GNG7: variants seen among roughly 807,000 people sequenced by gnomAD.
The protein encoded by GNG7 is guanine nucleotide-binding protein G(I)/G(S)/G(O) subunit gamma-7.
In GNG7, 1 loss-of-function variant was observed where a neutral mutation model predicts 4.0. The ratio of observed to expected loss-of-function variants is 0.25; its 90% confidence interval spans 0.09 to 1.18. GNG7 has a LOEUF of 1.18. GNG7 is among the 50% of genes most tolerant of loss of function. GNG7 has a pLI of 0.50. For synonymous variants in GNG7, 34 were observed against 36.9 expected, an observed-to-expected ratio of 0.92 and a Z score of 0.29; for missense variants, 86 against 91.9, an observed-to-expected ratio of 0.94 and a Z score of 0.26.
At chr19:2,640,518 A>G (rs150801744) in intron 2 of GNG7, among the ~76,000 whole-genome samples, 127 of 152,286 alleles carry the variant, frequency 8.3e-4, no homozygotes, top group African/African-American at 3.1e-3. Flanking sequence ...GGTGAATGTA[A>G]TTCACGAAAA....
chr19:2,578,351 G>A (rs974663196), intron 2 of GNG7, among the ~76,000 whole-genome samples: 2 of 152,072 alleles, frequency 1.3e-5, no homozygotes, highest in African/African-American at 4.8e-5. Flanking sequence ...CTCCTGACTC[G>A]CCCTGTTCTC....
chr19:2,582,656 ATTTTTTTTTTTTTTTT>A (rs35625825), intron 2 of GNG7, among the ~76,000 whole-genome samples: 2 of 86,146 alleles, frequency 2.3e-5, no homozygotes, highest in African/African-American at 8.8e-5. Flanking sequence ...CTAATTGTTA[ATTTTTTTTTTTTTTTT>A]TTTTTTTTTT....
rs71337161 is a variant in GNG7, at chr19:2,633,470, GGCGCGCGCGCGC to G, written c.-78+12742_-78+12753del. 9.1e-5 allele frequency among the ~76,000 whole-genome samples: 12 copies of G among 132,366 alleles called. No homozygotes were observed. Among genetic ancestry groups the G allele is most frequent in the Non-Finnish European group, 1.4e-4 (9 of 64,392 alleles). The allele number at this position is 132,366 out of a possible 152,430, so 86.8% of individuals were successfully genotyped here. On this transcript the variant is annotated intron_variant, in intron 2 of 4. Coordinates refer to ENST00000382159, the MANE Select transcript of GNG7 (RefSeq NM_052847.3). This position sits in a 1 kb window ranked among gnomAD's most constrained non-coding sequence, Gnocchi z 5.9. ...CTGTTCAAGCGGTTGCTTAGCAACA[GGCGCGCGCGCGC>G]GCGCGCACACACACACACACACACA...
intron 2 of GNG7, among the ~76,000 whole-genome samples, chr19:2,594,004 C>A (rs1467287109): frequency 1.3e-5 from 2 of 148,974 alleles, no homozygotes; most frequent in Admixed American, 6.7e-5. Flanking sequence ...TACTTTAAAA[C>A]AAACATGAGG....
chr19:2,659,127 A>C (rs11670733), intron 1 of GNG7, among the ~76,000 whole-genome samples: 5 of 151,720 alleles, frequency 3.3e-5, no homozygotes, highest in African/African-American at 1.2e-4. Flanking sequence ...CCGCCACCAC[A>C]CCTGGCTAAT....
chr19:2,635,884 A>T (rs778290721), intron 2 of GNG7, among the ~76,000 whole-genome samples: 23 of 152,060 alleles, frequency 1.5e-4, no homozygotes, highest in Non-Finnish European at 8.8e-5. Flanking sequence ...TGCCTGGCCA[A>T]CTTGGGGTGA....
chr19:2,524,706 G>A (rs1235395949), intron 3 of GNG7, among the ~76,000 whole-genome samples: 5 of 152,180 alleles, frequency 3.3e-5, no homozygotes, highest in Non-Finnish European at 7.4e-5. Context: ...ACGTGCATGT[G>A]TGTGGACATG....
At chr19:2,686,800 G>A (rs1983884280) in intron 1 of GNG7, among the ~76,000 whole-genome samples, 1 of 150,290 alleles carries the variant, frequency 6.7e-6, no homozygotes, top group Admixed American at 6.6e-5. Flanking sequence ...CGCCCAGGGT[G>A]GAGTACAGTG....
At chr19:2,555,575 C>T (rs1979516240) in intron 2 of GNG7, among the ~76,000 whole-genome samples, 1 of 152,194 alleles carries the variant, frequency 6.6e-6, no homozygotes, top group Admixed American at 6.6e-5. Flanking sequence ...GGTGTTTTTC[C>T]ATCTCTGATT....
At chr19:2,529,174 G>T (rs1040067092) in intron 3 of GNG7, among the ~76,000 whole-genome samples, 2 of 152,208 alleles carry the variant, frequency 1.3e-5, no homozygotes, top group Non-Finnish European at 2.9e-5. Flanking sequence ...CACAAACTGG[G>T]TGTCCTGAAA....
chr19:2,517,521 C>T lies in GNG7; in HGVS notation c.82-2374G>A, dbSNP rs190196325. ...CTGGGACTCCAGGCGCACGCCACCA[C>T]GCCAGGGTAATTTTTGTATTTTTAG... On this transcript the variant is annotated intron_variant, in intron 4 of 4. Transcript: ENST00000382159. Among the ~76,000 whole-genome samples the T allele has an allele frequency of 4.4e-3, 676 of 152,154 alleles. 17 individuals are homozygous for T. Among genetic ancestry groups the T allele is most frequent in the Non-Finnish European group, 3.2e-3 (215 of 68,006 alleles).
At chr19:2,590,161 A>G (rs998518020) in intron 2 of GNG7, among the ~76,000 whole-genome samples, 1 of 152,150 alleles carries the variant, frequency 6.6e-6, no homozygotes, top group Non-Finnish European at 1.5e-5. Flanking sequence ...GAAATAAACT[A>G]TAGGTAACAA....
intron 1 of GNG7, among the ~76,000 whole-genome samples, chr19:2,681,188 A>G (rs1203766994): frequency 2.7e-5 from 4 of 148,496 alleles, no homozygotes; most frequent in African/African-American, 9.9e-5. Context: ...AACTTTTTTT[A>G]TTTTATTGTT....
intron 1 of GNG7, among the ~76,000 whole-genome samples, chr19:2,655,838 G>GAAAAAAAAAAAAA (rs56041767): frequency 1.8e-5 from 1 of 54,760 alleles, no homozygotes; most frequent in Non-Finnish European, 3.3e-5. Context: ...GGCTCCGTCT[G>GAAAAAAAAAAAAA]AAAAAAAAAA....
chr19:2,531,253 G>A lies in GNG7; in HGVS notation c.-37-10528C>T, dbSNP rs538113921. Reference sequence around the variant, plus strand: ...CGGGAGACGGTGGTTGCAGTGAACCGAGATCGTGCCACTGTATTCCAGCTT... The same window carrying A: ...CGGGAGACGGTGGTTGCAGTGAACCAAGATCGTGCCACTGTATTCCAGCTT... On this transcript the variant is annotated intron_variant, in intron 3 of 4. Coordinates refer to ENST00000382159, the MANE Select transcript of GNG7 (RefSeq NM_052847.3). Among the ~76,000 whole-genome samples, 179 of 142,090 alleles carry A rather than the reference G, an allele frequency of 1.3e-3. 1 individual carries two copies. The highest frequency in any genetic ancestry group is 3.1e-3 in the South Asian group (14 of 4,566). 93.2% of individuals were successfully genotyped at this position (142,090 alleles called of 152,430 possible).
At chr19:2,600,924 T>C (rs768952509) in intron 2 of GNG7, among the ~76,000 whole-genome samples, 1 of 152,106 alleles carries the variant, frequency 6.6e-6, no homozygotes, top group Non-Finnish European at 1.5e-5. Context: ...AAGATGGTAA[T>C]AAACCTGCTC....
At chr19:2,582,910 C>T (rs904994759) in intron 2 of GNG7, among the ~76,000 whole-genome samples, 1 of 152,098 alleles carries the variant, frequency 6.6e-6, no homozygotes, top group African/African-American at 2.4e-5. Flanking sequence ...CTCAGGTGAT[C>T]TGCCCACCTC....
At position 2,630,231 on chromosome 19, in the gene GNG7, C is replaced by A. The variant is rs72978704; in HGVS notation, c.-78+15993G>T. 3.1e-3 allele frequency among the ~76,000 whole-genome samples: 471 copies of A among 152,242 alleles called. 1 individual carries two copies. Among genetic ancestry groups the A allele is most frequent in the Middle Eastern group, 6.8e-3 (2 of 294 alleles). ...GGCTGAGGCCGAACGCAGGCCCCCCCTTCCCTTTGCCACCAAGAGGAGTCT... is the reference window on the plus strand; with the variant it reads ...GGCTGAGGCCGAACGCAGGCCCCCCATTCCCTTTGCCACCAAGAGGAGTCT... On this transcript the variant is annotated intron_variant, in intron 2 of 4. Transcript: ENST00000382159.
At chr19:2,563,636 C>T (rs944632076) in intron 2 of GNG7, among the ~76,000 whole-genome samples, 2 of 152,176 alleles carry the variant, frequency 1.3e-5, no homozygotes, top group South Asian at 2.1e-4. Context: ...TGTGCACCAC[C>T]ACGCCTGGCT....
Sources: allele counts gnomAD v4.1 joint callset (sites outside exome capture counted in the v4.1 genomes callset), GRCh38; gene constraint gnomAD v4.1.1; non-coding constraint Gnocchi (gnomAD v3.1); transcripts MANE v1.5; gene names NCBI Gene and HGNC (gene_info 2026-07-23, HGNC 2026-07-21).